Variants in KCNQ3 observed in about 807,000 individuals in gnomAD.
KCNQ3 encodes potassium voltage-gated channel subfamily KQT member 3.
Under a neutral mutation model 92.5 loss-of-function variants are expected in KCNQ3, and 30 were observed. That is an observed-to-expected ratio of 0.32 (90% CI 0.24 to 0.44). The LOEUF (loss-of-function observed/expected upper bound fraction) is 0.44. KCNQ3 is among the 20% of genes least tolerant of loss of function. The pLI is 1.00. For synonymous variants in KCNQ3, 450 were observed against 468.8 expected, an observed-to-expected ratio of 0.96 and a Z score of 0.52; for missense variants, 913 against 1,140.3, an observed-to-expected ratio of 0.80 and a Z score of 2.87.
intron 1 of KCNQ3, among the ~76,000 whole-genome samples, chr8:132,249,909 C>A (rs1467820103): frequency 6.6e-6 from 1 of 152,210 alleles, no homozygotes; most frequent in African/African-American, 2.4e-5. Context: ...GTACTAAGCC[C>A]CTCACTGCCT....
intron 2 of KCNQ3, among the ~76,000 whole-genome samples, chr8:132,184,879 C>G (rs1486298755): frequency 6.6e-6 from 1 of 152,168 alleles, no homozygotes; most frequent in Non-Finnish European, 1.5e-5. Flanking sequence ...GAAACCAAGG[C>G]ACAGAGTAGT....
chr8:132,415,383 C>T (rs1820767575), intron 1 of KCNQ3, among the ~76,000 whole-genome samples: 1 of 152,204 alleles, frequency 6.6e-6, no homozygotes. Flanking sequence ...GGCATTTCCT[C>T]TAACATGGTG....
chr8:132,434,507 C>T (rs905777557), intron 1 of KCNQ3, among the ~76,000 whole-genome samples: 28 of 152,192 alleles, frequency 1.8e-4, no homozygotes, highest in African/African-American at 6.3e-4. Context: ...TGGAAAAATA[C>T]TTTCTGAATG....
intron 3 of KCNQ3, 52 bp downstream of exon 3, chr8:132,184,189 G>A: frequency 6.2e-7 from 1 of 1,611,210 alleles, no homozygotes; most frequent in Non-Finnish European, 8.5e-7. Context: ...GAGAAACAAT[G>A]CCCCAAAAGA....
intron 1 of KCNQ3, among the ~76,000 whole-genome samples, chr8:132,366,060 A>G (rs1819314729): frequency 1.3e-5 from 2 of 152,166 alleles, no homozygotes; most frequent in Admixed American, 6.5e-5. Context: ...GAGATAAACT[A>G]TATAGAGAAA....
Position 132,180,187 on chromosome 8 carries a change from A to G in KCNQ3, c.747T>C (p.Leu249=), listed in dbSNP as rs760051431. The G allele has an allele frequency of 2.5e-6, 4 of 1,614,138 alleles. No homozygotes were observed. The highest frequency in any genetic ancestry group is 3.4e-6 in the Non-Finnish European group (4 of 1,180,024). ...TGTGGGCACAGATGGCTGAGCCCAG[A>G]AGCTTCCAGGTGCCACCTCTCCGGT... ...RMDRRGGTWK[L]LGSAICAHSK... is the part of the protein sequence containing the mutation. Residue 249 remains leucine, a synonymous_variant, in exon 4 of 15, where the codon CTT becomes CTC. Transcript: ENST00000388996.
chr8:132,332,989 G>A (rs1413386987), intron 1 of KCNQ3, among the ~76,000 whole-genome samples: 1 of 151,990 alleles, frequency 6.6e-6, no homozygotes, highest in Non-Finnish European at 1.5e-5. Context: ...CACAACACTT[G>A]TTCAGAGTGA....
intron 3 of KCNQ3, among the ~76,000 whole-genome samples, chr8:132,182,208 A>G (rs191373528): frequency 1.3e-4 from 20 of 152,320 alleles, no homozygotes; most frequent in Admixed American, 9.1e-4. Context: ...TTCTCAGATT[A>G]TCTGTGCAAA....
rs1326179888 is a variant in KCNQ3 at position 132,232,221 on chromosome 8, C to T, written c.387-46040G>A. Among the ~76,000 whole-genome samples, 6 of 152,258 alleles carry T rather than the reference C, an allele frequency of 3.9e-5. No homozygotes were observed. The East Asian group carries it at 1.2e-3, about 29-fold the overall frequency. ...AGGCACTTCAAGCATTACTGTAGCACCAGAGCTTCTTAATCTTTAATGGGC... is the reference window on the plus strand; with the variant it reads ...AGGCACTTCAAGCATTACTGTAGCATCAGAGCTTCTTAATCTTTAATGGGC... On this transcript the variant is annotated intron_variant, in intron 1 of 14. Coordinates refer to ENST00000388996, the MANE Select transcript of KCNQ3 (RefSeq NM_004519.4).
At chr8:132,433,536 C>A (rs761910196) in intron 1 of KCNQ3, among the ~76,000 whole-genome samples, 1 of 152,194 alleles carries the variant, frequency 6.6e-6, no homozygotes, top group Non-Finnish European at 1.5e-5. Context: ...AAGTTTAGGG[C>A]AGCTTATGAG....
At chr8:132,275,679 A>G (rs565737420) in intron 1 of KCNQ3, among the ~76,000 whole-genome samples, 17 of 151,536 alleles carry the variant, frequency 1.1e-4, no homozygotes, top group African/African-American at 3.6e-4. Context: ...CCAGGTTCAC[A>G]CCATTCTCCT....
chr8:132,163,638 C>T (rs953264948), intron 8 of KCNQ3, 144 bp from the exon 9 acceptor site: 2 of 767,274 alleles, frequency 2.6e-6, no homozygotes, highest in Non-Finnish European at 4.6e-6. Flanking sequence ...GTGGAGGGAA[C>T]CAATGAAGGA....
chr8:132,379,752 C>G (rs547229142), intron 1 of KCNQ3, among the ~76,000 whole-genome samples: 8 of 152,296 alleles, frequency 5.3e-5, no homozygotes, highest in Admixed American at 5.2e-4. Context: ...ATTTATTCAT[C>G]TAGCTAATTG....
rs1468032360 is a variant in KCNQ3 at position 132,409,031 on chromosome 8, T to C, written c.386+71116A>G. On this transcript the variant is annotated intron_variant, in intron 1 of 14. Coordinates refer to ENST00000388996, the MANE Select transcript of KCNQ3 (RefSeq NM_004519.4). The stretch of plus-strand genomic sequence containing the variant: ...GAACTTGTAAGATAATAAATGCATG[T>C]TTTACTTTGCTAAATTTGTGGTAAT... 3.3e-5 allele frequency among the ~76,000 whole-genome samples: 5 copies of C among 152,280 alleles called. No individual in the cohort carries two copies. In the East Asian group the frequency reaches 9.7e-4, roughly 29 times the overall value.
intron 1 of KCNQ3, among the ~76,000 whole-genome samples, chr8:132,213,415 C>A (rs764650458): frequency 6.6e-6 from 1 of 152,222 alleles, no homozygotes; most frequent in African/African-American, 2.4e-5. Context: ...AGACTTCCTA[C>A]TCCCTCTGCC....
chr8:132,401,792 C>T (rs112690267), intron 1 of KCNQ3, among the ~76,000 whole-genome samples: 87 of 152,336 alleles, frequency 5.7e-4, no homozygotes, highest in African/African-American at 1.8e-3. Flanking sequence ...TGATGCAAAA[C>T]GAAATACTTG....
At chr8:132,187,624 A>ATGG (rs1368389781) in intron 1 of KCNQ3, among the ~76,000 whole-genome samples, 22 of 151,940 alleles carry the variant, frequency 1.4e-4, no homozygotes, top group Non-Finnish European at 2.2e-4. Context: ...GACGATGATG[A>ATGG]TGGTGGTGGT....
At chr8:132,339,057 T>A (rs1240416142) in intron 1 of KCNQ3, among the ~76,000 whole-genome samples, 2 of 152,134 alleles carry the variant, frequency 1.3e-5, no homozygotes, top group Non-Finnish European at 2.9e-5. Context: ...GTTCTTGGGA[T>A]AAGATGGCAT....
chr8:132,146,597 C>CT (rs11420420), intron 9 of KCNQ3, among the ~76,000 whole-genome samples: 118,319 of 145,570 alleles, frequency 0.81, 48,364 homozygotes, highest in Middle Eastern at 0.88. Flanking sequence ...TAGACCTGTA[C>CT]TTTTTTTTTT....
Sources: gnomAD v4.1 joint callset for allele counts (sites outside exome capture counted in the v4.1 genomes callset) on GRCh38, gnomAD v4.1.1 for gene constraint, MANE v1.5 for transcripts, NCBI Gene and HGNC (gene_info 2026-07-23, HGNC 2026-07-21) for gene names.